The following ATP11A variants were observed in gnomAD, a reference collection of about 807,000 sequenced individuals.
ATP11A encodes ATPase phospholipid transporting 11A.
Under a neutral mutation model 154.4 loss-of-function variants are expected in ATP11A, and 81 were observed. The ratio of observed to expected loss-of-function variants is 0.52; its 90% CI spans 0.44 to 0.63. The LOEUF (loss-of-function observed/expected upper bound fraction) is 0.63. Among genes scored for constraint, ATP11A ranks in the 30% least tolerant of loss-of-function variants. The probability of loss-of-function intolerance (pLI) is 0.00; values close to 1 mark genes in which losing one functional copy is unlikely to be tolerated. For synonymous variants in ATP11A, 623 were observed against 585.9 expected (o/e 1.06, Z -0.91); for missense variants, 1,316 against 1,474.3 (o/e 0.89, Z 1.76).
chr13:112,782,005 A>G (rs1334451241), intron 1 of ATP11A, among the ~76,000 whole-genome samples: 4 of 152,238 alleles, frequency 2.6e-5, no homozygotes, highest in Non-Finnish European at 4.4e-5. Context: ...CGCACTTGCC[A>G]GGCAAGGCCC....
chr13:112,870,364 G>A (rs1211683238), intron 25 of ATP11A, among the ~76,000 whole-genome samples: 2 of 152,170 alleles, frequency 1.3e-5, no homozygotes, highest in Admixed American at 1.3e-4. Context: ...ACTGAATTCT[G>A]AAGAACAGCC....
chr13:112,842,205 G>A (rs2079441558), intron 16 of ATP11A, 71 bp from the exon 17 acceptor site: 2 of 1,249,636 alleles, frequency 1.6e-6, no homozygotes, highest in African/African-American at 1.5e-5. Flanking sequence ...TTTTAATAAT[G>A]GCATAATTTT....
chr13:112,845,067 T>G (rs114782639), intron 17 of ATP11A, among the ~76,000 whole-genome samples: 1 of 147,682 alleles, frequency 6.8e-6, no homozygotes, highest in Non-Finnish European at 1.5e-5. Context: ...GTCCAGTTAC[T>G]GGGCACTGGT....
Position 112,826,801 on chromosome 13 carries a change from C to G in ATP11A, c.1131C>G (p.Tyr377Ter). The change falls in exon 12 of 30, where the codon TAC becomes TAG. Residue 377 changes from tyrosine to a stop codon, truncating the protein, a stop_gained. Transcript: ENST00000375645. LOFTEE classifies it high-confidence loss of function. ...AGATGCAGAAGTTCCTCGGCTCTTA[C>G]TTCATCACCTGGGACGAAGACATGT... ...TVEMQKFLGS[Y>*]FITWDEDMFD... is the part of the protein sequence containing the mutation. 1 of 1,614,202 alleles carries G rather than the reference C, an allele frequency of 6.2e-7. No individual in the cohort carries two copies. The highest frequency in any genetic ancestry group is 8.5e-7 in the Non-Finnish European group (1 of 1,180,038).
rs143722716 is a variant in ATP11A, at chr13:112,882,285, C to T, written c.*419C>T. 0.02 allele frequency: 9,040 copies of T among 456,042 alleles called. 123 individuals are homozygous for T. The highest frequency in any genetic ancestry group is 0.028 in the Non-Finnish European group (7,637 of 270,680). The allele number at this position is 456,042 out of a possible 1,614,324, so 28.2% of individuals were successfully genotyped here. A position where few individuals can be genotyped will look rare whatever the true frequency, so the allele number is the denominator to read the frequency against. On this transcript the variant is annotated 3_prime_UTR_variant, in exon 30 of 30. Transcript: ENST00000375645. The surrounding 1 kb of genome is among the most constrained non-coding windows in gnomAD (Gnocchi z 5.1). ...CGCGCTGTCATGCAGAGGCCATTCCCCCAGGCCTGTGTCTTCACCCACCTG... is the reference window on the plus strand; with the variant it reads ...CGCGCTGTCATGCAGAGGCCATTCCTCCAGGCCTGTGTCTTCACCCACCTG...
chr13:112,708,792 G>A (rs754803079), intron 1 of ATP11A, among the ~76,000 whole-genome samples: 3 of 152,132 alleles, frequency 2.0e-5, no homozygotes, highest in East Asian at 1.9e-4. Flanking sequence ...AGCTTTGGTC[G>A]TCTTCCAACG....
chr13:112,765,158 C>G (rs1299203232), intron 1 of ATP11A, among the ~76,000 whole-genome samples: 2 of 125,782 alleles, frequency 1.6e-5, no homozygotes, highest in African/African-American at 6.2e-5. Context: ...CCCTCCCCCC[C>G]GCCCCGGCTC....
chr13:112,810,595 C>G (rs774802468), intron 4 of ATP11A, 24 bp from the exon 5 acceptor site: 2 of 1,587,290 alleles, frequency 1.3e-6, no homozygotes. Flanking sequence ...CTTCCTCTCT[C>G]CCTTCTTTCC....
rs751692170 is a variant in ATP11A at position 112,857,964 on chromosome 13, AC to A, written c.2521+48del. 6 of 1,601,908 alleles carry A rather than the reference AC, an allele frequency of 3.7e-6. No individual in the cohort carries two copies. The African/African-American group carries it at 5.4e-5, about 14-fold the overall frequency. On this transcript the variant is annotated intron_variant, in intron 21 of 29. Transcript: ENST00000375645. ...GCTGGCACATCCTGGTGGCCAGGTCACCCCTTCGCTAGACAAAGGCCCATGG... is the reference window on the plus strand; with the variant it reads ...GCTGGCACATCCTGGTGGCCAGGTCACCCTTCGCTAGACAAAGGCCCATGG...
chr13:112,736,753 T>C (rs1281909077), intron 1 of ATP11A, among the ~76,000 whole-genome samples: 4 of 152,218 alleles, frequency 2.6e-5, no homozygotes, highest in Non-Finnish European at 5.9e-5. Flanking sequence ...CAAACAAATA[T>C]ATTACTAAAC....
intron 2 of ATP11A, among the ~76,000 whole-genome samples, chr13:112,791,393 C>T (rs36120468): frequency 0.034 from 5,138 of 152,348 alleles, 157 homozygotes; most frequent in Admixed American, 0.074. Flanking sequence ...GGAGCTCGCC[C>T]GACAGCCCCA....
At chr13:112,865,043 CGTAGCACGTGCAGCTTCCCAGCGGG>C (rs2080275800) in intron 25 of ATP11A, among the ~76,000 whole-genome samples, 1 of 132,246 alleles carries the variant, frequency 7.6e-6, no homozygotes, top group Non-Finnish European at 1.6e-5. Flanking sequence ...AATAATTCAG[CGTAGCACGTGCAGCTTCCCAGCGGG>C]ATCCATCACC....
intron 1 of ATP11A, among the ~76,000 whole-genome samples, chr13:112,756,796 C>CGGGGCCTGCTCCCAGCGA (rs1250997505): frequency 1.2e-4 from 18 of 151,946 alleles, no homozygotes; most frequent in Non-Finnish European, 2.5e-4. Flanking sequence ...TTGTGGCAGC[C>CGGGGCCTGCTCCCAGCGA]GGGGCCTGCT....
chr13:112,727,868 T>C (rs1032484111), intron 1 of ATP11A, among the ~76,000 whole-genome samples: 3 of 152,252 alleles, frequency 2.0e-5, no homozygotes, highest in Non-Finnish European at 4.4e-5. Flanking sequence ...GTGCATCTTG[T>C]TAAAGGCTGA....
chr13:112,871,952 G>A, intron 26 of ATP11A, 152 bp downstream of exon 26: 1 of 798,556 alleles, frequency 1.3e-6, no homozygotes, highest in Non-Finnish European at 2.1e-6. Context: ...GGCACCCCTG[G>A]GCATCCTTGT....
At chr13:112,810,505 A>G in intron 4 of ATP11A, 114 bp from the exon 5 acceptor site, 1 of 845,656 alleles carries the variant, frequency 1.2e-6, no homozygotes, top group Non-Finnish European at 1.9e-6. Flanking sequence ...ACACCCCCAC[A>G]GGCTTGGATT....
At chr13:112,832,145 C>T (rs970329458) in intron 13 of ATP11A, among the ~76,000 whole-genome samples, 1 of 152,242 alleles carries the variant, frequency 6.6e-6, no homozygotes, top group African/African-American at 2.4e-5. Context: ...CGCAGACACA[C>T]ACATGCACTC....
Position 112,886,469 on chromosome 13 carries a change from C to T in ATP11A, c.*4603C>T, listed in dbSNP as rs2080982657. ...TTGATATGCAGGTCCTTGCATCCTA[C>T]ATTTCTTTAGGAAGTTACCCATTTG... On this transcript the variant is annotated 3_prime_UTR_variant, in exon 30 of 30. Coordinates refer to ENST00000375645, the MANE Select transcript of ATP11A (RefSeq NM_015205.3). 1 of 152,190 alleles carries T rather than the reference C, an allele frequency of 6.6e-6. No individual in the cohort carries two copies. The highest frequency in any genetic ancestry group is 2.1e-4 in the South Asian group (1 of 4,824). 9.4% of individuals were successfully genotyped at this position (152,190 alleles called of 1,614,324 possible). A position where few individuals can be genotyped will look rare whatever the true frequency, so the allele number is the denominator to read the frequency against.
chr13:112,873,553 C>T lies in ATP11A; in HGVS notation c.3058-20C>T, dbSNP rs749004219. 3.2e-6 allele frequency: 5 copies of T among 1,564,454 alleles called. No homozygotes were observed. Among genetic ancestry groups the T allele is most frequent in the Middle Eastern group, 1.7e-4 (1 of 5,874 alleles). On this transcript the variant is annotated intron_variant, in intron 26 of 29. Coordinates refer to ENST00000375645, the MANE Select transcript of ATP11A (RefSeq NM_015205.3). The stretch of plus-strand genomic sequence containing the variant: ...CTGCTCAGATGACACCGTTAACTGC[C>T]CTTTTTTTTTTCCTTTTAGCTTGCA...
Sources: allele counts gnomAD v4.1 joint callset (sites outside exome capture counted in the v4.1 genomes callset), GRCh38; gene constraint gnomAD v4.1.1; non-coding constraint Gnocchi (gnomAD v3.1); transcripts MANE v1.5; gene names NCBI Gene and HGNC (gene_info 2026-07-23, HGNC 2026-07-21).